XPR1: variants seen among roughly 807,000 people sequenced by gnomAD.
XPR1 encodes solute carrier family 53 member 1.
In XPR1, 28 loss-of-function variants were observed where a neutral mutation model predicts 87.5. The ratio of observed to expected loss-of-function variants is 0.32; its 90% CI spans 0.24 to 0.44. XPR1 has a LOEUF of 0.44. XPR1 is among the 20% of genes least tolerant of loss of function. The probability of loss-of-function intolerance (pLI) is 1.00; values close to 1 mark genes in which losing one functional copy is unlikely to be tolerated. For missense variants in XPR1, 559 were observed against 862.3 expected (o/e 0.65, Z 4.41); for synonymous variants, 300 against 306.1 (o/e 0.98, Z 0.21).
At chr1:180,659,226 C>T (rs1655657671) in intron 1 of XPR1, among the ~76,000 whole-genome samples, 1 of 32,182 alleles carries the variant, frequency 3.1e-5, no homozygotes, top group African/African-American at 8.6e-5. Context: ...TCCTTCCTTC[C>T]TTCCTTCCTT....
At chr1:180,796,779 G>A (rs1376552535) in intron 3 of XPR1, among the ~76,000 whole-genome samples, 1 of 152,128 alleles carries the variant, frequency 6.6e-6, no homozygotes, top group Admixed American at 6.6e-5. Context: ...CTAAGATCAA[G>A]TGTAAACAAA....
intron 2 of XPR1, among the ~76,000 whole-genome samples, chr1:180,723,917 C>G (rs1467942334): frequency 6.6e-6 from 1 of 152,124 alleles, no homozygotes; most frequent in Non-Finnish European, 1.5e-5. Flanking sequence ...ACCATTAGTG[C>G]TTTTCAGTCT....
chr1:180,647,906 A>G (rs1350764216), intron 1 of XPR1, among the ~76,000 whole-genome samples: 1 of 139,006 alleles, frequency 7.2e-6, no homozygotes, highest in Non-Finnish European at 1.5e-5. Flanking sequence ...TATCTGCAAA[A>G]AAAAAAAAAA....
intron 1 of XPR1, among the ~76,000 whole-genome samples, chr1:180,680,356 C>CTTTTTTTT (rs1557953500): frequency 2.5e-5 from 3 of 119,704 alleles, no homozygotes; most frequent in African/African-American, 9.5e-5. Flanking sequence ...ACAAATAGAA[C>CTTTTTTTT]CTTTTTTTTT....
intron 11 of XPR1, among the ~76,000 whole-genome samples, chr1:180,853,237 T>C (rs1651924547): frequency 6.6e-6 from 1 of 152,222 alleles, no homozygotes; most frequent in South Asian, 2.1e-4. Flanking sequence ...CCTGGCTTCT[T>C]TTCATTTTTT....
intron 2 of XPR1, among the ~76,000 whole-genome samples, chr1:180,765,534 G>C (rs1648250003): frequency 6.6e-6 from 1 of 152,032 alleles, no homozygotes. Context: ...TTGAGGGTTG[G>C]TTTCAGGACT....
chr1:180,860,801 CTAAA>C (rs1652193950), intron 11 of XPR1, among the ~76,000 whole-genome samples: 1 of 140,890 alleles, frequency 7.1e-6, no homozygotes, highest in South Asian at 2.2e-4. Context: ...CAGGATGTGA[CTAAA>C]AAAAAAAAAA....
intron 6 of XPR1, among the ~76,000 whole-genome samples, chr1:180,807,113 C>G (rs1199437586): frequency 2.0e-5 from 3 of 152,052 alleles, no homozygotes; most frequent in Non-Finnish European, 2.9e-5. Context: ...TTATCATACT[C>G]AATGGTAAAC....
intron 2 of XPR1, among the ~76,000 whole-genome samples, chr1:180,753,410 G>A (rs1383553437): frequency 1.3e-5 from 2 of 152,038 alleles, no homozygotes; most frequent in African/African-American, 2.4e-5. Flanking sequence ...ACAAAAGTTA[G>A]CTGGGCATGG....
rs529190378 is a variant in XPR1, at chr1:180,686,321, T to A, written c.121+3910T>A. ...TTTGAGTGAGTTTCTTAATCCTGAG[T>A]TCTAGTTTGATTGCACTGTGGTCTG... On this transcript the variant is annotated intron_variant, in intron 2 of 14. Transcript: ENST00000367590. Among the ~76,000 whole-genome samples the A allele has an allele frequency of 1.3e-3, 193 of 152,268 alleles. 1 individual carries two copies. The highest frequency in any genetic ancestry group is 3.5e-3 in the Admixed American group (53 of 15,292).
intron 2 of XPR1, among the ~76,000 whole-genome samples, chr1:180,743,353 C>A (rs1658982279): frequency 6.6e-6 from 1 of 151,758 alleles, no homozygotes; most frequent in Non-Finnish European, 1.5e-5. Flanking sequence ...TTTAAACAGT[C>A]TATTTAGGAT....
intron 2 of XPR1, among the ~76,000 whole-genome samples, chr1:180,787,297 G>GT (rs200200187): frequency 4.6e-4 from 65 of 141,964 alleles, no homozygotes; most frequent in South Asian, 1.4e-3. Context: ...TTTTTTTTTT[G>GT]TTTTTTTTGT....
At chr1:180,665,003 C>T (rs890728983) in intron 1 of XPR1, among the ~76,000 whole-genome samples, 4 of 152,142 alleles carry the variant, frequency 2.6e-5, no homozygotes, top group African/African-American at 4.8e-5. Context: ...TTGCCCACCT[C>T]GCACTTCCTA....
chr1:180,689,325 A>G (rs544474050), intron 2 of XPR1, among the ~76,000 whole-genome samples: 1 of 152,286 alleles, frequency 6.6e-6, no homozygotes, highest in East Asian at 1.9e-4. Context: ...TAAATGATAT[A>G]TTTGAATATA....
At chr1:180,743,138 A>ATGTTTGG (rs1477468274) in intron 2 of XPR1, among the ~76,000 whole-genome samples, 18 of 150,590 alleles carry the variant, frequency 1.2e-4, no homozygotes, top group African/African-American at 4.4e-4. Flanking sequence ...AATGATTGTT[A>ATGTTTGG]TGTTTGGATT....
chr1:180,839,275 A>G (rs1256896574), intron 11 of XPR1, among the ~76,000 whole-genome samples: 2 of 152,342 alleles, frequency 1.3e-5, no homozygotes, highest in East Asian at 3.9e-4. Flanking sequence ...AAATAATTGA[A>G]CATGAACTGA....
chr1:180,786,949 A>T lies in XPR1; in HGVS notation c.122-804A>T, dbSNP rs529816413. Among the ~76,000 whole-genome samples the T allele has an allele frequency of 7.2e-5, 11 of 152,342 alleles. No individual in the cohort carries two copies. In the South Asian group the frequency reaches 2.3e-3, roughly 32 times the overall value. On this transcript the variant is annotated intron_variant, in intron 2 of 14. Coordinates refer to ENST00000367590, the MANE Select transcript of XPR1 (RefSeq NM_004736.4). ...CTTCAGTGCAGACTTCTTTCTCTGT[A>T]TGTGGTACAGTTAAAGTAAAAATAA...
At position 180,706,712 on chromosome 1, in the gene XPR1, A is replaced by G. The variant is rs1181377774; in HGVS notation, c.121+24301A>G. On this transcript the variant is annotated intron_variant, in intron 2 of 14. Transcript: ENST00000367590. Reference sequence around the variant, plus strand: ...CTGCAACCTCCGCCTTCCGAGTTCAAGCAATTCTCCTGCCTCAGCCTCCTG... The same window carrying G: ...CTGCAACCTCCGCCTTCCGAGTTCAGGCAATTCTCCTGCCTCAGCCTCCTG... Among the ~76,000 whole-genome samples, 4 of 152,180 alleles carry G rather than the reference A, an allele frequency of 2.6e-5. No homozygotes were observed. In the East Asian group the frequency reaches 7.7e-4, roughly 29 times the overall value.
chr1:180,792,713 A>T (rs985448281), intron 3 of XPR1, among the ~76,000 whole-genome samples: 7 of 152,164 alleles, frequency 4.6e-5, no homozygotes, highest in African/African-American at 1.7e-4. Flanking sequence ...GAAGTCTCTT[A>T]GTTCTCTTCT....
Sources: allele counts gnomAD v4.1 joint callset (sites outside exome capture counted in the v4.1 genomes callset), GRCh38; gene constraint gnomAD v4.1.1; transcripts MANE v1.5; gene names NCBI Gene and HGNC (gene_info 2026-07-23, HGNC 2026-07-21).